IRAG1: variants seen among roughly 807,000 people sequenced by gnomAD.
The protein encoded by IRAG1 is IP3R-associated cGMP kinase substrate.
A neutral mutation model predicts 106.2 loss-of-function variants in IRAG1; 62 were observed. That is an observed-to-expected ratio of 0.58 (90% CI 0.48 to 0.72). The LOEUF (loss-of-function observed/expected upper bound fraction) is 0.72. Ranked by LOEUF, IRAG1 falls within the 30% of genes least tolerant of loss-of-function variation. The pLI is 0.00. For missense variants in IRAG1, 1,064 were observed against 1,140.7 expected (o/e 0.93, Z 0.97); for synonymous variants, 462 against 443.9 (o/e 1.04, Z -0.51).
intron 1 of IRAG1, among the ~76,000 whole-genome samples, chr11:10,680,546 G>GAA (rs143705702): frequency 0.014 from 1,919 of 140,336 alleles, 48 homozygotes; most frequent in African/African-American, 0.051. Context: ...GAAGGGGAAG[G>GAA]GGAAGGGGAA....
intron 1 of IRAG1, among the ~76,000 whole-genome samples, chr11:10,692,663 C>T (rs1862150867): frequency 6.6e-6 from 1 of 152,238 alleles, no homozygotes; most frequent in Non-Finnish European, 1.5e-5. Context: ...AGTGAGCAGC[C>T]TGAAGAGTGT....
chr11:10,626,013 T>A lies in IRAG1; in HGVS notation c.1321A>T (p.Ile441Leu), dbSNP rs1239450012. The A allele has an allele frequency of 6.6e-7, 1 of 1,506,930 alleles. No individual in the cohort carries two copies. Among genetic ancestry groups the A allele is most frequent in the Non-Finnish European group, 8.9e-7 (1 of 1,127,928 alleles). The allele number at this position is 1,506,930 out of a possible 1,614,324, so 93.3% of individuals were successfully genotyped here. Residue 441 changes from isoleucine (I) to leucine (L), a missense_variant, in exon 9 of 21, where the codon ATA becomes TTA. Physicochemically the swap from Ile to Leu is conservative, Grantham distance 5 (BLOSUM62 2). Transcript: ENST00000423302. ...AKAPGLKDFQIQVQPVRMQKL... is the reference protein window; with the variant it reads ...AKAPGLKDFQLQVQPVRMQKL... ...TGCATCCGCACGGGCTGCACTTGTA[T>A]CTGAAAGTCTTTGAGACCAGGGGCC...
At chr11:10,593,426 G>A in intron 17 of IRAG1, 66 bp downstream of exon 17, 2 of 1,418,092 alleles carry the variant, frequency 1.4e-6, no homozygotes, top group East Asian at 2.3e-5. Flanking sequence ...CCCTGCCCTA[G>A]GACTGAGTAC....
chr11:10,682,189 G>A (rs1179835946), intron 1 of IRAG1, among the ~76,000 whole-genome samples: 1 of 152,208 alleles, frequency 6.6e-6, no homozygotes, highest in African/African-American at 2.4e-5. Flanking sequence ...TTTAGCTGGT[G>A]CTCAATAAAT....
At chr11:10,692,550 G>A (rs1467321004) in intron 1 of IRAG1, among the ~76,000 whole-genome samples, 2 of 152,102 alleles carry the variant, frequency 1.3e-5, no homozygotes, top group Admixed American at 6.5e-5. Flanking sequence ...TCCTTGGCAG[G>A]TCCTGACTCC....
intron 15 of IRAG1, among the ~76,000 whole-genome samples, chr11:10,596,619 T>C (rs1209426590): frequency 2.6e-5 from 4 of 152,248 alleles, no homozygotes; most frequent in South Asian, 4.1e-4. Flanking sequence ...GATGGCCTAA[T>C]AAATGTATTT....
At chr11:10,617,003 A>G (rs1489897028) in intron 10 of IRAG1, 1 of 983,964 alleles carries the variant, frequency 1.0e-6, no homozygotes, top group Non-Finnish European at 1.2e-6. Flanking sequence ...TGGTTCCTAA[A>G]AGTCAAAGCT....
At chr11:10,620,084 A>T (rs1044415484) in intron 10 of IRAG1, among the ~76,000 whole-genome samples, 1 of 152,292 alleles carries the variant, frequency 6.6e-6, no homozygotes, top group African/African-American at 2.4e-5. Flanking sequence ...ACTTTTAACC[A>T]ATCAATTGCA....
chr11:10,662,429 C>T (rs1859472162), intron 1 of IRAG1, among the ~76,000 whole-genome samples: 1 of 152,240 alleles, frequency 6.6e-6, no homozygotes, highest in South Asian at 2.1e-4. Flanking sequence ...TATTCTACAA[C>T]TAAAACCTCA....
Position 10,603,109 on chromosome 11 carries a change from G to C in IRAG1, c.1875+11C>G. 6.2e-7 allele frequency: 1 copy of C among 1,607,382 alleles called. No homozygotes were observed. The highest frequency in any genetic ancestry group is 1.3e-5 in the African/African-American group (1 of 74,940). On this transcript the variant is annotated intron_variant, in intron 14 of 20. Coordinates refer to ENST00000423302, the MANE Select transcript of IRAG1 (RefSeq NM_130385.4). Reference sequence around the variant, plus strand: ...ACAGAGTTGGCAAGACCGGGGGCTGGAGAGACTCACCTGGCGGACGGCGCC... The same window carrying C: ...ACAGAGTTGGCAAGACCGGGGGCTGCAGAGACTCACCTGGCGGACGGCGCC...
chr11:10,595,156 C>CT (rs138293929), intron 15 of IRAG1, among the ~76,000 whole-genome samples: 23,548 of 151,956 alleles, frequency 0.15, 2,340 homozygotes, highest in Non-Finnish European at 0.22. Flanking sequence ...AACTCCTGAG[C>CT]TTAAAGTATC....
chr11:10,641,750 G>T (rs969320443), intron 2 of IRAG1, among the ~76,000 whole-genome samples: 2 of 152,202 alleles, frequency 1.3e-5, no homozygotes, highest in Non-Finnish European at 2.9e-5. Flanking sequence ...GAAGATGAAA[G>T]TGAAGGCCAT....
At chr11:10,687,518 C>G in intron 1 of IRAG1, 2 of 480,624 alleles carry the variant, frequency 4.2e-6, no homozygotes, top group South Asian at 6.3e-5. Context: ...CCTGTTGATC[C>G]AAACACTTTC....
At chr11:10,594,048 G>T in intron 16 of IRAG1, 98 bp downstream of exon 16, 1 of 1,142,590 alleles carries the variant, frequency 8.8e-7, no homozygotes, top group Non-Finnish European at 1.3e-6. Flanking sequence ...GAGATTCTCT[G>T]GCATCCATGG....
chr11:10,624,424 G>A lies in IRAG1; in HGVS notation c.1369-568C>T, dbSNP rs114853279. On this transcript the variant is annotated intron_variant, in intron 9 of 20. Coordinates refer to ENST00000423302, the MANE Select transcript of IRAG1 (RefSeq NM_130385.4). ...GAAAAGTGAGGCCTGAGAATTGCTG[G>A]CTTAGGGCCTCAGCTGGCAGAGCCC... Among the ~76,000 whole-genome samples the A allele has an allele frequency of 8.8e-3, 1,343 of 152,292 alleles. 15 individuals are homozygous for A. The highest frequency in any genetic ancestry group is 0.029 in the African/African-American group (1,209 of 41,548).
At chr11:10,680,540 G>GAAGGAA (rs149163071) in intron 1 of IRAG1, among the ~76,000 whole-genome samples, 872 of 85,772 alleles carry the variant, frequency 0.01, 14 homozygotes, top group African/African-American at 0.041. Flanking sequence ...AGGAAGGAAG[G>GAAGGAA]GGAAGGGGAA....
At position 10,573,106 on chromosome 11, in the gene IRAG1, G is replaced by A. The variant is rs907829415; in HGVS notation, c.*3226C>T. On this transcript the variant is annotated 3_prime_UTR_variant, in exon 21 of 21. Coordinates refer to ENST00000423302, the MANE Select transcript of IRAG1 (RefSeq NM_130385.4). ...GCTGCTGCCAGAGGTTTGGAAATGT[G>A]CTTTTATTTTCAAACTCAGGTATGT... 2.0e-5 allele frequency: 3 copies of A among 152,188 alleles called. No individual in the cohort carries two copies. The highest frequency in any genetic ancestry group is 7.2e-5 in the African/African-American group (3 of 41,434). The allele number at this position is 152,188 out of a possible 1,614,324, so 9.4% of individuals were successfully genotyped here.
chr11:10,622,937 A>C (rs2134533624), intron 10 of IRAG1, among the ~76,000 whole-genome samples: 1 of 133,192 alleles, frequency 7.5e-6, no homozygotes, highest in Admixed American at 7.8e-5. Context: ...TAGGGATAAT[A>C]GCTGACACCT....
chr11:10,587,323 A>G (rs996210523), intron 18 of IRAG1, among the ~76,000 whole-genome samples: 1 of 152,284 alleles, frequency 6.6e-6, no homozygotes, highest in Non-Finnish European at 1.5e-5. Flanking sequence ...TGTGATCGGC[A>G]TATCTTCTTG....
Sources: allele counts gnomAD v4.1 joint callset (sites outside exome capture counted in the v4.1 genomes callset), GRCh38; gene constraint gnomAD v4.1.1; transcripts MANE v1.5; gene names NCBI Gene and HGNC (gene_info 2026-07-23, HGNC 2026-07-21).